GRXCR1: variants seen among roughly 807,000 people sequenced by gnomAD.
GRXCR1 encodes the protein glutaredoxin and cysteine rich domain containing 1, also known as glutaredoxin domain-containing cysteine-rich protein 1.
GRXCR1 carries 27 observed loss-of-function variants against 27.3 expected under a neutral mutation model. That is an observed-to-expected ratio of 0.99 (90% CI 0.73 to 1.37). The LOEUF (loss-of-function observed/expected upper bound fraction) is 1.37, where lower values mean the gene tolerates loss of function less well. Ranked by LOEUF, GRXCR1 falls within the 40% of genes most tolerant of loss-of-function variation. The probability of loss-of-function intolerance (pLI) is 0.00; values close to 1 mark genes in which losing one functional copy is unlikely to be tolerated. For synonymous variants in GRXCR1, 122 were observed against 131.1 expected (o/e 0.93, Z 0.47); for missense variants, 379 against 354.4 (o/e 1.07, Z -0.56).
chr4:42,917,465 A>G (rs980004967), intron 1 of GRXCR1, among the ~76,000 whole-genome samples: 1 of 152,164 alleles, frequency 6.6e-6, no homozygotes, highest in African/African-American at 2.4e-5. Context: ...AAAATGCTGT[A>G]TATCTGCAGC....
intron 2 of GRXCR1, among the ~76,000 whole-genome samples, chr4:42,989,190 A>G (rs1453173793): frequency 2.0e-5 from 3 of 152,212 alleles, no homozygotes; most frequent in Non-Finnish European, 4.4e-5. Context: ...GGCTTAAATA[A>G]TAGTTTTGGA....
chr4:42,902,490 A>G (rs1746483465), intron 1 of GRXCR1, among the ~76,000 whole-genome samples: 2 of 152,100 alleles, frequency 1.3e-5, no homozygotes, highest in African/African-American at 4.8e-5. Flanking sequence ...ATAGTATTCC[A>G]TGGTGTATAT....
At chr4:42,943,964 T>C (rs1350786250) in intron 1 of GRXCR1, among the ~76,000 whole-genome samples, 2 of 152,030 alleles carry the variant, frequency 1.3e-5, no homozygotes, top group African/African-American at 2.4e-5. Flanking sequence ...GGTGCTAAGG[T>C]TGAGAAACTG....
Position 42,989,134 on chromosome 4 carries a change from A to G in GRXCR1, c.627+26000A>G, listed in dbSNP as rs150176606. Among the ~76,000 whole-genome samples the G allele has an allele frequency of 2.2e-3, 335 of 152,318 alleles. 1 individual carries two copies. The highest frequency in any genetic ancestry group is 5.9e-3 in the African/African-American group (247 of 41,568). ...TAATTTCCTCTTTTATATCGCTTAT[A>G]TATTACTCAACTAGGACGGGTATAA... On this transcript the variant is annotated intron_variant, in intron 2 of 3. Transcript: ENST00000399770.
intron 1 of GRXCR1, among the ~76,000 whole-genome samples, chr4:42,896,916 C>G (rs1435157336): frequency 6.6e-6 from 1 of 151,998 alleles, no homozygotes; most frequent in Non-Finnish European, 1.5e-5. Context: ...CATGAATATT[C>G]AAATTTATCA....
chr4:42,900,115 C>G (rs1269469370), intron 1 of GRXCR1, among the ~76,000 whole-genome samples: 1 of 152,088 alleles, frequency 6.6e-6, no homozygotes, highest in Non-Finnish European at 1.5e-5. Context: ...TCTCTGAAAC[C>G]CAGTATTTTA....
chr4:42,987,260 TAATATATATATATATATAG>T (rs1711794568), intron 2 of GRXCR1, among the ~76,000 whole-genome samples: 2 of 73,266 alleles, frequency 2.7e-5, no homozygotes, highest in Non-Finnish European at 5.9e-5. Context: ...TATATATATA[TAATATATATATATATATAG>T]AGAGAGAGAG....
chr4:43,021,479 T>C (rs1713090159), intron 3 of GRXCR1, among the ~76,000 whole-genome samples: 1 of 151,770 alleles, frequency 6.6e-6, no homozygotes, highest in Non-Finnish European at 1.5e-5. Context: ...ACGATTCATG[T>C]TTTATTCATA....
intron 1 of GRXCR1, among the ~76,000 whole-genome samples, chr4:42,905,020 A>AT (rs1291238360): frequency 1.3e-5 from 2 of 152,154 alleles, no homozygotes; most frequent in Non-Finnish European, 1.5e-5. Context: ...GTACCACAAG[A>AT]TTTTTTGGCA....
At chr4:43,000,669 G>GTATATA (rs4035884) in intron 2 of GRXCR1, among the ~76,000 whole-genome samples, 2,440 of 149,778 alleles carry the variant, frequency 0.016, 73 homozygotes, top group African/African-American at 0.056. Context: ...ATTGTTAGAG[G>GTATATA]TATATATATA....
chr4:43,024,076 A>G (rs972948532), intron 3 of GRXCR1, among the ~76,000 whole-genome samples: 2 of 152,104 alleles, frequency 1.3e-5, no homozygotes, highest in African/African-American at 4.8e-5. Context: ...CACTGAATTA[A>G]AGATCTCAGA....
intron 2 of GRXCR1, among the ~76,000 whole-genome samples, chr4:43,001,665 G>A (rs1049521004): frequency 3.9e-5 from 6 of 152,024 alleles, no homozygotes; most frequent in Non-Finnish European, 5.9e-5. Context: ...CCACACCTGC[G>A]GGTATTTCTA....
intron 1 of GRXCR1, among the ~76,000 whole-genome samples, chr4:42,962,225 C>T (rs1442663122): frequency 6.6e-6 from 1 of 151,818 alleles, no homozygotes; most frequent in Non-Finnish European, 1.5e-5. Flanking sequence ...TCCTTGTTTC[C>T]TTTTTATGCC....
At chr4:43,007,595 T>A (rs1041195184) in intron 2 of GRXCR1, among the ~76,000 whole-genome samples, 19 of 152,090 alleles carry the variant, frequency 1.2e-4, no homozygotes, top group African/African-American at 3.4e-4. Context: ...AGAAATAGTG[T>A]GTTAGCAGTA....
chr4:42,985,635 A>T (rs150123467), intron 2 of GRXCR1, among the ~76,000 whole-genome samples: 1,604 of 151,792 alleles, frequency 0.011, 18 homozygotes, highest in African/African-American at 0.022. Context: ...ACTATATTAA[A>T]TATATTAAAA....
intron 1 of GRXCR1, among the ~76,000 whole-genome samples, chr4:42,957,206 G>A (rs949662045): frequency 6.6e-6 from 1 of 152,024 alleles, no homozygotes; most frequent in African/African-American, 2.4e-5. Flanking sequence ...TCTAAGACAA[G>A]AAGAGAAGGT....
At position 42,916,009 on chromosome 4, in the gene GRXCR1, C is replaced by G. The variant is rs148521004; in HGVS notation, c.384+22359C>G. Among the ~76,000 whole-genome samples the G allele has an allele frequency of 6.6e-4, 100 of 151,236 alleles. 1 individual carries two copies. The East Asian group carries it at 0.013, about 19-fold the overall frequency. On this transcript the variant is annotated intron_variant, in intron 1 of 3. Transcript: ENST00000399770. The stretch of plus-strand genomic sequence containing the variant: ...GACTTTGAACAGACAATTTTATTCC[C>G]AGCCAAGCTACTAATCTAGTATAAG...
At chr4:42,946,201 G>A (rs1363029897) in intron 1 of GRXCR1, among the ~76,000 whole-genome samples, 1 of 152,118 alleles carries the variant, frequency 6.6e-6, no homozygotes, top group East Asian at 1.9e-4. Flanking sequence ...CAAGTATTTG[G>A]CTAGGAGGAA....
At chr4:42,918,848 C>G (rs188491968) in intron 1 of GRXCR1, among the ~76,000 whole-genome samples, 1 of 151,926 alleles carries the variant, frequency 6.6e-6, no homozygotes, top group Non-Finnish European at 1.5e-5. Flanking sequence ...TTTGATCTTC[C>G]TGTTTGGAAA....
Sources: allele counts gnomAD v4.1 joint callset (sites outside exome capture counted in the v4.1 genomes callset), GRCh38; gene constraint gnomAD v4.1.1; transcripts MANE v1.5; gene names NCBI Gene and HGNC (gene_info 2026-07-23, HGNC 2026-07-21).